Variants in ITGA11 observed in about 807,000 individuals in gnomAD.
The protein encoded by ITGA11 is integrin alpha-11.
In ITGA11, 97 loss-of-function variants were observed where a neutral mutation model predicts 141.9. The observed-to-expected ratio is 0.68, with a 90% CI of 0.58 to 0.81. The LOEUF (loss-of-function observed/expected upper bound fraction) is 0.81. ITGA11 is among the 30% of genes least tolerant of loss of function. The pLI is 0.00. For missense variants in ITGA11, 1,387 were observed against 1,559.2 expected (o/e 0.89, Z 1.86); for synonymous variants, 658 against 624.6 (o/e 1.05, Z -0.80).
At chr15:68,431,659 C>G (rs2140450996) in intron 1 of ITGA11, among the ~76,000 whole-genome samples, 1 of 152,370 alleles carries the variant, frequency 6.6e-6, no homozygotes, top group African/African-American at 2.4e-5. Context: ...CTCGGCGCTC[C>G]CGGGACACCC....
At chr15:68,382,343 C>T (rs1422314809) in intron 2 of ITGA11, among the ~76,000 whole-genome samples, 2 of 152,220 alleles carry the variant, frequency 1.3e-5, no homozygotes, top group African/African-American at 2.4e-5. Context: ...GCCGGGCCAC[C>T]AGCCACCACT....
intron 23 of ITGA11, 97 bp from the exon 24 acceptor site, chr15:68,312,960 C>T (rs189079076): frequency 3.0e-5 from 25 of 843,810 alleles, no homozygotes; most frequent in East Asian, 2.4e-4. Flanking sequence ...CGGCCTCCCC[C>T]GGGCCACGAA....
rs572068551 is a variant in ITGA11, at chr15:68,335,517, G to T, written c.1425+180C>A. On this transcript the variant is annotated intron_variant, in intron 12 of 29. Coordinates refer to ENST00000315757, the MANE Select transcript of ITGA11 (RefSeq NM_001004439.2). The surrounding 1 kb of genome is among the most constrained non-coding windows in gnomAD (Gnocchi z 4.9). ...GCAGCTGGCATCCTGGAGGGCCCAT[G>T]GGGCCTTCTGTAGGTGGATGCGCAC... Among the ~76,000 whole-genome samples, 1 of 152,336 alleles carries T rather than the reference G, an allele frequency of 6.6e-6. No homozygotes were observed. Among genetic ancestry groups the T allele is most frequent in the East Asian group, 1.9e-4 (1 of 5,170 alleles).
intron 10 of ITGA11, among the ~76,000 whole-genome samples, chr15:68,344,795 A>C (rs1360096642): frequency 2.0e-5 from 3 of 152,130 alleles, no homozygotes; most frequent in African/African-American, 7.2e-5. Context: ...GGTACAAGAG[A>C]AAAAGGATCT....
chr15:68,365,048 C>T (rs1053593472), intron 3 of ITGA11: 28 of 765,348 alleles, frequency 3.7e-5, no homozygotes, highest in Admixed American at 6.2e-5. Context: ...GAGCACTCAC[C>T]GAGCCTTCTA....
At position 68,302,451 on chromosome 15, in the gene ITGA11, C is replaced by T. The variant is rs570121219; in HGVS notation, c.*608G>A. ...CCACTTGCCTGGCCATCAGTCTCCA[C>T]ATCTCAGAGTCTTTCTTCATCCCTG... On this transcript the variant is annotated 3_prime_UTR_variant, in exon 30 of 30. Transcript: ENST00000315757. 1 of 152,684 alleles carries T rather than the reference C, an allele frequency of 6.5e-6. No homozygotes were observed. Among genetic ancestry groups the T allele is most frequent in the East Asian group, 1.9e-4 (1 of 5,186 alleles). 9.5% of individuals were successfully genotyped at this position (152,684 alleles called of 1,614,324 possible). A position where few individuals can be genotyped will look rare whatever the true frequency, so the allele number is the denominator to read the frequency against.
intron 21 of ITGA11, 151 bp downstream of exon 21, chr15:68,317,114 G>T: frequency 1.6e-6 from 1 of 632,868 alleles, no homozygotes; most frequent in East Asian, 2.7e-5. Flanking sequence ...ATGTAATTTT[G>T]TGGGAGAAAA....
At chr15:68,323,952 T>A (rs1409319070) in intron 18 of ITGA11, among the ~76,000 whole-genome samples, 3 of 152,190 alleles carry the variant, frequency 2.0e-5, no homozygotes, top group Non-Finnish European at 1.5e-5. Context: ...ACCCTGTGTG[T>A]TAATCTGCAC....
rs1271419863 is a variant in ITGA11, at chr15:68,324,853, T to C, written c.2322+278A>G. On this transcript the variant is annotated intron_variant, in intron 18 of 29. Transcript: ENST00000315757. This position sits in a 1 kb window ranked among gnomAD's most constrained non-coding sequence, Gnocchi z 6.3. ...CCAGTGGTTCTTTGTATTTCTCCGG[T>C]GCTCACCCTGTGCTCCCCTGTGCTG... Among the ~76,000 whole-genome samples the C allele has an allele frequency of 6.6e-6, 1 of 152,106 alleles. No homozygotes were observed. The highest frequency in any genetic ancestry group is 1.5e-5 in the Non-Finnish European group (1 of 68,022).
chr15:68,418,458 C>T (rs1477509715), intron 1 of ITGA11, among the ~76,000 whole-genome samples: 1 of 152,112 alleles, frequency 6.6e-6, no homozygotes, highest in East Asian at 1.9e-4. Context: ...CTTCACATGG[C>T]CCTCAGTTGC....
intron 7 of ITGA11, 138 bp downstream of exon 7, chr15:68,357,013 C>A (rs964646998): frequency 7.2e-5 from 59 of 823,018 alleles, no homozygotes; most frequent in Non-Finnish European, 8.1e-5. Context: ...TGAGCCCAGT[C>A]AAACTCCAGA....
intron 1 of ITGA11, among the ~76,000 whole-genome samples, chr15:68,423,107 T>C (rs1897057316): frequency 6.6e-6 from 1 of 152,188 alleles, no homozygotes; most frequent in African/African-American, 2.4e-5. Flanking sequence ...GTTCTTTGGT[T>C]CATTCAACAC....
intron 11 of ITGA11, among the ~76,000 whole-genome samples, chr15:68,339,044 A>C (rs867511505): frequency 6.6e-6 from 1 of 152,206 alleles, no homozygotes; most frequent in Non-Finnish European, 1.5e-5. Context: ...CTAGATATCC[A>C]CTTCCAAAGT....
At chr15:68,310,726 G>A (rs538805270) in intron 26 of ITGA11, among the ~76,000 whole-genome samples, 1 of 152,222 alleles carries the variant, frequency 6.6e-6, no homozygotes, top group South Asian at 2.1e-4. Context: ...CTTTCTGCTC[G>A]TTTGCCTGGC....
intron 1 of ITGA11, among the ~76,000 whole-genome samples, chr15:68,423,002 A>G (rs1158229444): frequency 2.6e-5 from 4 of 152,158 alleles, no homozygotes; most frequent in Non-Finnish European, 5.9e-5. Flanking sequence ...CTGATTCCAA[A>G]GGCTATTGTG....
intron 21 of ITGA11, 134 bp from the exon 22 acceptor site, chr15:68,315,861 A>G (rs1893556607): frequency 2.9e-6 from 2 of 678,402 alleles, no homozygotes; most frequent in Non-Finnish European, 5.0e-6. Context: ...CTGGCTGGGA[A>G]CAGGCTGGGA....
intron 1 of ITGA11, among the ~76,000 whole-genome samples, chr15:68,419,844 G>C (rs73433979): frequency 0.022 from 3,348 of 152,256 alleles, 117 homozygotes; most frequent in African/African-American, 0.07. Context: ...CAAATGCCAG[G>C]CTGTGACTTT....
intron 15 of ITGA11, among the ~76,000 whole-genome samples, chr15:68,330,009 T>C (rs7179228): frequency 6.6e-6 from 1 of 152,116 alleles, no homozygotes; most frequent in African/African-American, 2.4e-5. Flanking sequence ...TACGCCACAC[T>C]GGAAATGCTG....
chr15:68,361,770 C>A, intron 4 of ITGA11, 66 bp from the exon 5 acceptor site: 1 of 1,066,146 alleles, frequency 9.4e-7, no homozygotes, highest in South Asian at 1.4e-5. Context: ...GTCCAATGGC[C>A]TGAGGCCCAC....
Sources: gnomAD v4.1 joint callset for allele counts (sites outside exome capture counted in the v4.1 genomes callset) on GRCh38, gnomAD v4.1.1 for gene constraint, Gnocchi (gnomAD v3.1) non-coding constraint, MANE v1.5 for transcripts, NCBI Gene and HGNC (gene_info 2026-07-23, HGNC 2026-07-21) for gene names.